The following SPAG16 variants were observed in gnomAD, a reference collection of about 807,000 sequenced individuals.
The protein encoded by SPAG16 is sperm associated antigen 16, also known as sperm-associated antigen 16 protein.
A neutral mutation model predicts 80.4 loss-of-function variants in SPAG16; 86 were observed. The observed-to-expected ratio is 1.07, with a 90% CI of 0.90 to 1.28. The LOEUF (loss-of-function observed/expected upper bound fraction) is 1.28, where lower values mean the gene tolerates loss of function less well. SPAG16 is among the 50% of genes most tolerant of loss of function. SPAG16 has a pLI of 0.00. For missense variants in SPAG16, 870 were observed against 765.3 expected, an observed-to-expected ratio of 1.14 and a Z score of -1.61; for synonymous variants, 294 against 265.9, an observed-to-expected ratio of 1.11 and a Z score of -1.03.
At chr2:214,141,783 G>C (rs1251383978) in intron 14 of SPAG16, among the ~76,000 whole-genome samples, 1 of 152,008 alleles carries the variant, frequency 6.6e-6, no homozygotes, top group Non-Finnish European at 1.5e-5. Context: ...TAGGTAATCT[G>C]TCATTTTTCA....
intron 15 of SPAG16, among the ~76,000 whole-genome samples, chr2:214,359,879 C>G (rs1209940670): frequency 6.6e-6 from 1 of 151,782 alleles, no homozygotes; most frequent in East Asian, 1.9e-4. Context: ...GTCTGGCCAC[C>G]AAGGACTTTT....
intron 10 of SPAG16, among the ~76,000 whole-genome samples, chr2:213,601,187 A>G (rs1343130527): frequency 6.6e-6 from 1 of 152,236 alleles, no homozygotes; most frequent in Admixed American, 6.5e-5. Flanking sequence ...TCTTCCTGTC[A>G]TATGAGTTCA....
chr2:213,951,505 C>T (rs2079778062), intron 12 of SPAG16, among the ~76,000 whole-genome samples: 1 of 151,980 alleles, frequency 6.6e-6, no homozygotes, highest in Non-Finnish European at 1.5e-5. Context: ...AATAGTTATA[C>T]AATATGCAAA....
intron 12 of SPAG16, among the ~76,000 whole-genome samples, chr2:214,007,104 C>G (rs1015043423): frequency 6.6e-6 from 1 of 152,074 alleles, no homozygotes; most frequent in Non-Finnish European, 1.5e-5. Flanking sequence ...TATAAATTCT[C>G]TGTGTATATA....
intron 13 of SPAG16, among the ~76,000 whole-genome samples, chr2:214,082,389 T>G (rs2051442021): frequency 6.6e-6 from 1 of 152,226 alleles, no homozygotes; most frequent in South Asian, 2.1e-4. Context: ...CACTTCTTAC[T>G]GTCTCATGAC....
At chr2:213,762,418 G>A (rs1242005123) in intron 10 of SPAG16, among the ~76,000 whole-genome samples, 2 of 152,054 alleles carry the variant, frequency 1.3e-5, no homozygotes, top group Non-Finnish European at 2.9e-5. Context: ...AAAACAAACA[G>A]TATGGTACTA....
intron 9 of SPAG16, among the ~76,000 whole-genome samples, chr2:213,403,368 T>G (rs564336775): frequency 6.6e-6 from 1 of 152,176 alleles, no homozygotes; most frequent in South Asian, 2.1e-4. Context: ...TTTCTCCCAT[T>G]CTGTCGGTTG....
chr2:213,806,920 A>G (rs953783426), intron 10 of SPAG16, among the ~76,000 whole-genome samples: 1 of 152,182 alleles, frequency 6.6e-6, no homozygotes. Context: ...AGTAAATGCC[A>G]TGGCTAATTA....
At chr2:214,327,518 T>A (rs1410170768) in intron 15 of SPAG16, among the ~76,000 whole-genome samples, 1 of 152,244 alleles carries the variant, frequency 6.6e-6, no homozygotes. Context: ...TAGAATTTGA[T>A]CAGCATTTGT....
chr2:213,362,831 T>C (rs993310779), intron 7 of SPAG16, among the ~76,000 whole-genome samples: 1 of 152,202 alleles, frequency 6.6e-6, no homozygotes, highest in Non-Finnish European at 1.5e-5. Flanking sequence ...CGCATGGTTC[T>C]GCAGGCTGTA....
intron 15 of SPAG16, among the ~76,000 whole-genome samples, chr2:214,384,864 T>C (rs184263285): frequency 6.6e-6 from 1 of 152,342 alleles, no homozygotes; most frequent in Admixed American, 6.5e-5. Flanking sequence ...CTCGTCTCCA[T>C]GTCCTTAATT....
chr2:213,480,279 A>G (rs1370100868), intron 9 of SPAG16, among the ~76,000 whole-genome samples: 1 of 152,218 alleles, frequency 6.6e-6, no homozygotes, highest in Non-Finnish European at 1.5e-5. Context: ...ATAAACTTGC[A>G]TTTATAGCTG....
intron 15 of SPAG16, among the ~76,000 whole-genome samples, chr2:214,281,712 CA>C (rs1330630423): frequency 3.3e-5 from 5 of 152,172 alleles, no homozygotes; most frequent in Non-Finnish European, 5.9e-5. Context: ...GAAACAAAAA[CA>C]TATGTCCATA....
At chr2:214,135,449 A>G (rs2054997898) in intron 14 of SPAG16, among the ~76,000 whole-genome samples, 1 of 152,168 alleles carries the variant, frequency 6.6e-6, no homozygotes, top group Non-Finnish European at 1.5e-5. Flanking sequence ...ATAACAAAGT[A>G]TGCATGTTTA....
chr2:213,601,645 C>T (rs1388521430), intron 10 of SPAG16, among the ~76,000 whole-genome samples: 1 of 152,012 alleles, frequency 6.6e-6, no homozygotes, highest in Non-Finnish European at 1.5e-5. Context: ...TTTAGGTCAA[C>T]AATCAGCTGT....
At chr2:213,770,086 T>A (rs1310987013) in intron 10 of SPAG16, among the ~76,000 whole-genome samples, 1 of 152,184 alleles carries the variant, frequency 6.6e-6, no homozygotes, top group African/African-American at 2.4e-5. Flanking sequence ...ATGCTCTGTG[T>A]ATTTATTTTA....
Position 213,963,350 on chromosome 2 carries a change from A to G in SPAG16, c.1400+33205A>G, listed in dbSNP as rs184664267. Among the ~76,000 whole-genome samples, 4 of 152,250 alleles carry G rather than the reference A, an allele frequency of 2.6e-5. No individual in the cohort carries two copies. In the South Asian group the frequency reaches 8.3e-4, roughly 32 times the overall value. The stretch of plus-strand genomic sequence containing the variant: ...TATTTTTTAAAATTTCTCAAATTTC[A>G]TTAAGTGATTGATTTATAAGTTCAT... On this transcript the variant is annotated intron_variant, in intron 12 of 15. Transcript: ENST00000331683.
chr2:213,926,266 C>T (rs987881802), intron 11 of SPAG16, among the ~76,000 whole-genome samples: 10 of 151,806 alleles, frequency 6.6e-5, no homozygotes, highest in African/African-American at 1.7e-4. Context: ...TAGGTTTTTG[C>T]GGAACAGGTG....
intron 10 of SPAG16, among the ~76,000 whole-genome samples, chr2:213,588,963 T>G (rs1156997671): frequency 1.3e-5 from 2 of 151,988 alleles, no homozygotes; most frequent in African/African-American, 2.4e-5. Flanking sequence ...CAGTTCAAAT[T>G]TAAACGATAA....
Sources: allele counts gnomAD v4.1 joint callset (sites outside exome capture counted in the v4.1 genomes callset), GRCh38; gene constraint gnomAD v4.1.1; transcripts MANE v1.5; gene names NCBI Gene and HGNC (gene_info 2026-07-23, HGNC 2026-07-21).